The following GLDC variants were observed in gnomAD, a reference collection of about 807,000 sequenced individuals.
GLDC encodes glycine dehydrogenase (decarboxylating), mitochondrial.
A neutral mutation model predicts 121.3 loss-of-function variants in GLDC; 104 were observed. That is an observed-to-expected ratio of 0.86 (90% CI 0.73 to 1.01). The LOEUF (loss-of-function observed/expected upper bound fraction) is 1.01, where lower values mean the gene tolerates loss of function less well. GLDC is among the 50% of genes least tolerant of loss of function. GLDC has a pLI of 0.00. For missense variants in GLDC, 1,429 were observed against 1,306.6 expected, an observed-to-expected ratio of 1.09 and a Z score of -1.44; for synonymous variants, 546 against 480.6, an observed-to-expected ratio of 1.14 and a Z score of -1.78.
chr9:6,627,062 G>T (rs1819258317), intron 2 of GLDC, among the ~76,000 whole-genome samples: 1 of 152,150 alleles, frequency 6.6e-6, no homozygotes, highest in Non-Finnish European at 1.5e-5. Context: ...TTGGGAGGCT[G>T]AGGCGGGTGG....
At chr9:6,633,947 A>C (rs1286056635) in intron 2 of GLDC, among the ~76,000 whole-genome samples, 1 of 143,246 alleles carries the variant, frequency 7.0e-6, no homozygotes, top group African/African-American at 2.6e-5. Context: ...CTCCTGCCTC[A>C]GCCTCCCGAG....
Position 6,554,762 on chromosome 9 carries a change from C to T in GLDC, c.2222G>A (p.Gly741Glu), listed in dbSNP as rs1318425288. The change falls in exon 19 of 25, where the codon GGA becomes GAA. Residue 741 changes from glycine to glutamate, a missense_variant. Gly to Glu is a moderately conservative substitution (Grantham distance 98). Coordinates refer to ENST00000321612, the MANE Select transcript of GLDC (RefSeq NM_000170.3). ...GTGCGAGACATCAGACCCGAAGTCT[C>T]CAGGGCGACAGATTCCCACCTACCA... is the stretch of plus-strand genomic sequence containing the variant. Reference protein sequence around the residue: ...MNAQVGICRPGDFGSDVSHLN... With the variant: ...MNAQVGICRPEDFGSDVSHLN... The T allele has an allele frequency of 6.2e-7, 1 of 1,612,902 alleles. No homozygotes were observed. Among genetic ancestry groups the T allele is most frequent in the East Asian group, 2.2e-5 (1 of 44,882 alleles).
intron 1 of GLDC, 116 bp downstream of exon 1, chr9:6,645,129 G>T: frequency 9.3e-7 from 1 of 1,076,344 alleles, no homozygotes; most frequent in Non-Finnish European, 1.3e-6. Flanking sequence ...CCGGGACCCA[G>T]GGTGCGGGGA....
chr9:6,645,540 GC>G lies in GLDC; in HGVS notation c.-42del. On this transcript the variant is annotated 5_prime_UTR_variant, in exon 1 of 25. Transcript: ENST00000321612. Reference sequence around the variant, plus strand: ...CCCCTGCCCCGGCCCGCAAGGGTCAGCCGCGCTCTTGGCCCCTCTCCTGGCC... The same window carrying G: ...CCCCTGCCCCGGCCCGCAAGGGTCAGCGCGCTCTTGGCCCCTCTCCTGGCC... 7.7e-7 allele frequency: 1 copy of G among 1,295,128 alleles called. No homozygotes were observed. The highest frequency in any genetic ancestry group is 9.9e-7 in the Non-Finnish European group (1 of 1,012,758). 80.2% of individuals were successfully genotyped at this position (1,295,128 alleles called of 1,614,324 possible). A position where few individuals can be genotyped will look rare whatever the true frequency, so the allele number is the denominator to read the frequency against.
chr9:6,638,130 G>A (rs4742231), intron 2 of GLDC, among the ~76,000 whole-genome samples: 36,288 of 152,010 alleles, frequency 0.24, 4,480 homozygotes, highest in South Asian at 0.34. Context: ...AGTGCTTGCC[G>A]AATTATGTCT....
chr9:6,620,159 G>A lies in GLDC; in HGVS notation c.470+25C>T, dbSNP rs374317469. 6 of 1,609,208 alleles carry A rather than the reference G, an allele frequency of 3.7e-6. No homozygotes were observed. In the African/African-American group the frequency reaches 4.0e-5, roughly 11 times the overall value. On this transcript the variant is annotated intron_variant, in intron 3 of 24. Coordinates refer to ENST00000321612, the MANE Select transcript of GLDC (RefSeq NM_000170.3). ...GAATTATGCAAATCACAGTCATCCT[G>A]TTCCTGAACTGAGAAATACATTACC...
intron 6 of GLDC, 109 bp from the exon 7 acceptor site, chr9:6,604,893 T>G: frequency 2.1e-6 from 2 of 942,868 alleles, no homozygotes; most frequent in Non-Finnish European, 3.5e-6. Context: ...TGTGTTCACA[T>G]CCTGTGAACT....
intron 22 of GLDC, among the ~76,000 whole-genome samples, chr9:6,538,969 T>C (rs1367204630): frequency 6.6e-6 from 1 of 152,228 alleles, no homozygotes; most frequent in Admixed American, 6.5e-5. Flanking sequence ...AATAAGATCA[T>C]TCATTCAAGA....
rs10975711 is a variant in GLDC, at chr9:6,644,925, C to G, written c.256-233G>C. On this transcript the variant is annotated intron_variant, in intron 1 of 24. Transcript: ENST00000321612. ...GATTTCAGTTGCAACCGGAGCTAAC[C>G]GGTAAGCCCACTCTTAATCAGGGGG... The G allele has an allele frequency of 0.058, 35,737 of 619,588 alleles. 1,292 individuals are homozygous for G. The highest frequency in any genetic ancestry group is 0.073 in the Non-Finnish European group (25,757 of 351,724). 38.4% of individuals were successfully genotyped at this position (619,588 alleles called of 1,614,324 possible). A position where few individuals can be genotyped will look rare whatever the true frequency, so the allele number is the denominator to read the frequency against.
intron 15 of GLDC, among the ~76,000 whole-genome samples, chr9:6,572,373 G>C (rs1005094033): frequency 3.9e-5 from 6 of 152,178 alleles, no homozygotes; most frequent in South Asian, 2.1e-4. Flanking sequence ...GGTTACATTA[G>C]GATGTTGAAA....
intron 2 of GLDC, among the ~76,000 whole-genome samples, chr9:6,629,257 C>T (rs1344988663): frequency 4.0e-5 from 6 of 150,626 alleles, no homozygotes; most frequent in African/African-American, 1.5e-4. Flanking sequence ...TTCTGTTGCC[C>T]AGGTTGGAGT....
intron 2 of GLDC, 63 bp downstream of exon 2, chr9:6,644,551 G>A: frequency 8.8e-7 from 1 of 1,132,858 alleles, no homozygotes; most frequent in South Asian, 1.2e-5. Flanking sequence ...GATTTTCAGG[G>A]AACCACAAAA....
At chr9:6,624,291 G>C (rs762346288) in intron 2 of GLDC, among the ~76,000 whole-genome samples, 1 of 152,198 alleles carries the variant, frequency 6.6e-6, no homozygotes, top group African/African-American at 2.4e-5. Context: ...GGTCTCCACT[G>C]ATGTAACCAA....
chr9:6,604,839 T>C (rs768813514), intron 6 of GLDC, 55 bp from the exon 7 acceptor site: 92 of 1,391,582 alleles, frequency 6.6e-5, no homozygotes, highest in Non-Finnish European at 9.1e-5. Context: ...CTGAGAGTAG[T>C]GGGAGAGTAG....
Position 6,533,089 on chromosome 9 carries a change from G to T in GLDC, c.2991C>A (p.His997Gln), listed in dbSNP as rs757398632. 12 of 1,611,360 alleles carry T rather than the reference G, an allele frequency of 7.4e-6. No individual in the cohort carries two copies. The highest frequency in any genetic ancestry group is 1.0e-5 in the Non-Finnish European group (12 of 1,177,528). The change falls in exon 25 of 25, where the codon CAC (histidine) becomes CAA (glutamine). Residue 997 changes from histidine to glutamine, a missense_variant. His to Gln is a conservative substitution (Grantham distance 24). Transcript: ENST00000321612. ...ARIDDIYGDQ[H>Q]LVCTCPPMEV... ...CCATGGGTGGGCAGGTACAAACCAG[G>T]TGCTGATCTCCATATATGTCATCAA...
chr9:6,591,018 A>G (rs1015609626), intron 11 of GLDC, among the ~76,000 whole-genome samples: 1 of 152,218 alleles, frequency 6.6e-6, no homozygotes, highest in African/African-American at 2.4e-5. Flanking sequence ...TTACTTAGTG[A>G]TTAATACACA....
chr9:6,554,833 T>C lies in GLDC; in HGVS notation c.2203-52A>G, dbSNP rs1488637898. 2.2e-6 allele frequency: 3 copies of C among 1,386,052 alleles called. No individual in the cohort carries two copies. In the South Asian group the frequency reaches 3.7e-5, roughly 17 times the overall value. The allele number at this position is 1,386,052 out of a possible 1,614,324, so 85.9% of individuals were successfully genotyped here. ...AAAAGTCAAGAGCTTGGAAGCACCC[T>C]CCAGTGTGAAGGCCATGGCTGGCCG... On this transcript the variant is annotated intron_variant, in intron 18 of 24. Transcript: ENST00000321612.
intron 8 of GLDC, among the ~76,000 whole-genome samples, chr9:6,600,898 G>T (rs1288141055): frequency 2.0e-5 from 3 of 152,170 alleles, no homozygotes; most frequent in African/African-American, 7.2e-5. Flanking sequence ...GACATGGCCA[G>T]GTGCAGTGGC....
chr9:6,606,719 C>T lies in GLDC; in HGVS notation c.636-50G>A, dbSNP rs753899969. 2.0e-5 allele frequency: 21 copies of T among 1,036,644 alleles called. No homozygotes were observed. The Admixed American group carries it at 2.7e-4, about 13-fold the overall frequency. The allele number at this position is 1,036,644 out of a possible 1,614,324, so 64.2% of individuals were successfully genotyped here. ...CAACGTGAACATTAAATAAATAGGACTATCTTCTAAGAACGCAAAGCAAAC... is the reference window on the plus strand; with the variant it reads ...CAACGTGAACATTAAATAAATAGGATTATCTTCTAAGAACGCAAAGCAAAC... On this transcript the variant is annotated intron_variant, in intron 4 of 24. Coordinates refer to ENST00000321612, the MANE Select transcript of GLDC (RefSeq NM_000170.3).
Sources: allele counts gnomAD v4.1 joint callset (sites outside exome capture counted in the v4.1 genomes callset), GRCh38; gene constraint gnomAD v4.1.1; transcripts MANE v1.5; gene names NCBI Gene and HGNC (gene_info 2026-07-23, HGNC 2026-07-21).